Variants in CLVS1 observed in about 807,000 individuals in gnomAD.
CLVS1 encodes the protein clavesin-1.
A neutral mutation model predicts 33.1 loss-of-function variants in CLVS1; 10 were observed. The ratio of observed to expected loss-of-function variants is 0.30; its 90% CI spans 0.19 to 0.51. CLVS1 has a LOEUF of 0.51. CLVS1 is among the 20% of genes least tolerant of loss of function. The probability of loss-of-function intolerance (pLI) is 0.97; values close to 1 mark genes in which losing one functional copy is unlikely to be tolerated. For missense variants in CLVS1, 343 were observed against 433.4 expected (o/e 0.79, Z 1.85); for synonymous variants, 163 against 166.1 (o/e 0.98, Z 0.14).
chr8:61,227,619 CA>C (rs1480683290), intron 2 of CLVS1, among the ~76,000 whole-genome samples: 14 of 152,176 alleles, frequency 9.2e-5, no homozygotes, highest in African/African-American at 3.1e-4. Flanking sequence ...TAGTTATTCT[CA>C]TGTTTACCTT....
chr8:61,342,282 T>A (rs1038218829), intron 2 of CLVS1, among the ~76,000 whole-genome samples: 2 of 152,026 alleles, frequency 1.3e-5, no homozygotes, highest in Admixed American at 1.3e-4. Context: ...ATCATTGGCC[T>A]GGTGGGAGGA....
At chr8:61,281,052 C>G (rs1809662133) in intron 2 of CLVS1, among the ~76,000 whole-genome samples, 1 of 152,228 alleles carries the variant, frequency 6.6e-6, no homozygotes. Context: ...AATCTATACT[C>G]AGAAACTTGA....
At chr8:61,044,732 G>T in the CLVS1 span, among the ~76,000 whole-genome samples, 1 of 152,256 alleles carries the variant, frequency 6.6e-6, no homozygotes, top group East Asian at 1.9e-4. Flanking sequence ...TCCTTCAATC[G>T]GTAGAGTCTC....
chr8:61,280,945 G>A (rs969569792), intron 2 of CLVS1, among the ~76,000 whole-genome samples: 11 of 152,130 alleles, frequency 7.2e-5, no homozygotes, highest in Non-Finnish European at 1.6e-4. Context: ...ACTTATTAAT[G>A]TGCACATACA....
chr8:61,059,459 TATAC>T (rs995076225), intron 1 of CLVS1, among the ~76,000 whole-genome samples: 4 of 109,868 alleles, frequency 3.6e-5, no homozygotes, highest in African/African-American at 1.5e-4. Flanking sequence ...TACACACACA[TATAC>T]ATACATACAT....
intron 1 of CLVS1, among the ~76,000 whole-genome samples, chr8:61,116,692 G>A (rs7820157): frequency 0.16 from 22,538 of 145,036 alleles, 2,293 homozygotes; most frequent in East Asian, 0.59. Flanking sequence ...GATATGCGGC[G>A]TTATTTCTGA....
chr8:61,164,984 C>T (rs573845945), intron 2 of CLVS1, among the ~76,000 whole-genome samples: 6 of 152,232 alleles, frequency 3.9e-5, no homozygotes, highest in East Asian at 3.9e-4. Context: ...CTTGGTCTCA[C>T]GGATTCCAAG....
At chr8:61,455,164 C>G (rs944852451) in intron 4 of CLVS1, among the ~76,000 whole-genome samples, 2 of 140,782 alleles carry the variant, frequency 1.4e-5, no homozygotes, top group African/African-American at 2.7e-5. Flanking sequence ...TCTATCACCT[C>G]CTATAATTAT....
At chr8:61,273,624 T>C (rs530278435) in intron 2 of CLVS1, among the ~76,000 whole-genome samples, 1 of 152,308 alleles carries the variant, frequency 6.6e-6, no homozygotes, top group East Asian at 1.9e-4. Context: ...CTCAGACTGC[T>C]GTGCTAGCAA....
At chr8:61,179,106 C>G (rs1004622770) in intron 2 of CLVS1, among the ~76,000 whole-genome samples, 25 of 152,196 alleles carry the variant, frequency 1.6e-4, no homozygotes, top group Admixed American at 9.8e-4. Context: ...AAACCCATCT[C>G]ACATGCAAAG....
At chr8:61,179,661 T>A (rs1057156941) in intron 2 of CLVS1, among the ~76,000 whole-genome samples, 54 of 152,168 alleles carry the variant, frequency 3.5e-4, no homozygotes, top group African/African-American at 1.3e-3. Context: ...CACAGTGCAA[T>A]CAAATTAGAA....
chr8:61,449,339 G>A (rs1264164052), intron 3 of CLVS1, among the ~76,000 whole-genome samples: 1 of 152,202 alleles, frequency 6.6e-6, no homozygotes, highest in Non-Finnish European at 1.5e-5. Context: ...AGGTGGGGGA[G>A]GAAGTCCAGT....
intron 2 of CLVS1, among the ~76,000 whole-genome samples, chr8:61,151,936 A>C (rs17764348): frequency 0.012 from 1,847 of 152,304 alleles, 14 homozygotes; most frequent in Middle Eastern, 0.034. Flanking sequence ...GGCAGACGTC[A>C]GATAAACATC....
chr8:61,311,766 T>A (rs1810840403), intron 2 of CLVS1, among the ~76,000 whole-genome samples: 1 of 152,222 alleles, frequency 6.6e-6, no homozygotes, highest in Admixed American at 6.5e-5. Flanking sequence ...AAGTCTCCTC[T>A]GATGGCTAGA....
intron 1 of CLVS1, among the ~76,000 whole-genome samples, chr8:61,092,474 T>C (rs564970760): frequency 1.3e-5 from 2 of 152,358 alleles, no homozygotes; most frequent in East Asian, 1.9e-4. Flanking sequence ...TACTGTCTTA[T>C]AGCTCTGGAG....
chr8:61,298,564 T>C (rs2129594491), intron 1 of CLVS1, among the ~76,000 whole-genome samples: 1 of 152,288 alleles, frequency 6.6e-6, no homozygotes, highest in South Asian at 2.1e-4. Flanking sequence ...AGTAATTTTG[T>C]ATGAGAAAGC....
intron 2 of CLVS1, among the ~76,000 whole-genome samples, chr8:61,306,337 T>C (rs558132803): frequency 1.3e-5 from 2 of 152,224 alleles, no homozygotes; most frequent in Non-Finnish European, 2.9e-5. Flanking sequence ...AATGTCTTCT[T>C]TTTAGAGGTG....
intron 2 of CLVS1, among the ~76,000 whole-genome samples, chr8:61,150,179 T>C (rs1023627506): frequency 6.6e-6 from 1 of 151,114 alleles, no homozygotes; most frequent in Non-Finnish European, 1.5e-5. Flanking sequence ...GGAAATCCTT[T>C]GTCAGTGAGA....
At chr8:61,090,285 G>A (rs1273806579) in intron 1 of CLVS1, among the ~76,000 whole-genome samples, 1 of 152,160 alleles carries the variant, frequency 6.6e-6, no homozygotes, top group Non-Finnish European at 1.5e-5. Context: ...TTATAACACA[G>A]TCAAGTCCAT....
Sources: gnomAD v4.1 joint callset for allele counts (sites outside exome capture counted in the v4.1 genomes callset) on GRCh38, gnomAD v4.1.1 for gene constraint, MANE v1.5 for transcripts, NCBI Gene and HGNC (gene_info 2026-07-23, HGNC 2026-07-21) for gene names.